The following NRXN1 variants were observed in gnomAD, a reference collection of about 807,000 sequenced individuals.
NRXN1 encodes neurexin-1.
In NRXN1, 39 loss-of-function variants were observed where a neutral mutation model predicts 150.9. The observed-to-expected ratio is 0.26, with a 90% confidence interval of 0.20 to 0.34. The LOEUF is 0.34. Among genes scored for constraint, NRXN1 ranks in the 10% least tolerant of loss-of-function variants. The pLI, the probability that NRXN1 is intolerant of heterozygous loss-of-function variation, is 1.00. For missense variants in NRXN1, 1,815 were observed against 1,949.9 expected, an observed-to-expected ratio of 0.93 and a Z score of 1.30; for synonymous variants, 924 against 757.0, an observed-to-expected ratio of 1.22 and a Z score of -3.62.
At chr2:50,538,704 C>CT in intron 9 of NRXN1, 68 bp from the exon 10 acceptor site, 10 of 1,285,222 alleles carry the variant, frequency 7.8e-6, no homozygotes, top group Non-Finnish European at 1.0e-5. Context: ...ATCTTTCTCT[C>CT]TTTCGTCTGC....
intron 6 of NRXN1, 117 bp from the exon 7 acceptor site, chr2:50,621,366 T>C: frequency 1.4e-6 from 1 of 720,530 alleles, no homozygotes; most frequent in Admixed American, 2.9e-5. Context: ...AGGTAACGGT[T>C]AGTAGAATGA....
intron 2 of NRXN1, among the ~76,000 whole-genome samples, chr2:50,951,942 A>AATATATATAT (rs1165247495): frequency 8.0e-5 from 9 of 112,802 alleles, no homozygotes; most frequent in Non-Finnish European, 1.3e-4. Flanking sequence ...TACATGAATA[A>AATATATATAT]ATATATATAT....
intron 21 of NRXN1, among the ~76,000 whole-genome samples, chr2:49,960,358 G>C (rs1000170233): frequency 6.6e-6 from 1 of 151,948 alleles, no homozygotes; most frequent in Non-Finnish European, 1.5e-5. Flanking sequence ...TAGAGATCTA[G>C]TCATTCATAT....
intron 18 of NRXN1, among the ~76,000 whole-genome samples, chr2:50,148,777 T>G (rs2058519086): frequency 6.6e-6 from 1 of 151,676 alleles, no homozygotes. Context: ...TCAATCGGGA[T>G]GATTAAATAC....
chr2:50,725,889 T>A (rs2105160336), intron 5 of NRXN1, among the ~76,000 whole-genome samples: 1 of 152,328 alleles, frequency 6.6e-6, no homozygotes, highest in South Asian at 2.1e-4. Context: ...TTTGAATTAA[T>A]CATGTTTGCA....
At chr2:50,920,378 A>C (rs1558422542) in intron 5 of NRXN1, among the ~76,000 whole-genome samples, 1 of 151,736 alleles carries the variant, frequency 6.6e-6, no homozygotes, top group Non-Finnish European at 1.5e-5. Context: ...ATAAACATGA[A>C]CTATTCCATA....
At chr2:50,341,391 A>G (rs1036791302) in intron 17 of NRXN1, among the ~76,000 whole-genome samples, 1 of 137,490 alleles carries the variant, frequency 7.3e-6, no homozygotes, top group Non-Finnish European at 1.5e-5. Context: ...TCTTTTAAGT[A>G]TTTCTTAAAA....
At chr2:50,589,904 G>A (rs1240388247) in intron 8 of NRXN1, among the ~76,000 whole-genome samples, 4 of 152,146 alleles carry the variant, frequency 2.6e-5, no homozygotes, top group South Asian at 4.1e-4. Context: ...TAGACTGTAA[G>A]CACCACATGA....
At chr2:50,079,533 T>A (rs1394203289) in intron 19 of NRXN1, among the ~76,000 whole-genome samples, 1 of 152,096 alleles carries the variant, frequency 6.6e-6, no homozygotes, top group Non-Finnish European at 1.5e-5. Context: ...GAACTTTGAA[T>A]AGTGCCCAAA....
intron 9 of NRXN1, among the ~76,000 whole-genome samples, chr2:50,551,074 A>AG (rs1667430102): frequency 1.3e-4 from 14 of 110,780 alleles, no homozygotes; most frequent in Non-Finnish European, 1.8e-4. Context: ...AAGAAGAAGA[A>AG]GAGGAGGAGG....
At chr2:50,649,119 T>G (rs2104541089) in intron 5 of NRXN1, among the ~76,000 whole-genome samples, 1 of 152,150 alleles carries the variant, frequency 6.6e-6, no homozygotes, top group East Asian at 1.9e-4. Context: ...TTTTACTTTA[T>G]GAACCCATAG....
chr2:50,241,504 A>G (rs368646926), intron 17 of NRXN1, among the ~76,000 whole-genome samples: 71 of 151,884 alleles, frequency 4.7e-4, no homozygotes, highest in Non-Finnish European at 9.1e-4. Context: ...CATCCATCAG[A>G]TCGCTGAATG....
chr2:50,952,908 G>T (rs1162465584), intron 2 of NRXN1, among the ~76,000 whole-genome samples: 2 of 152,306 alleles, frequency 1.3e-5, no homozygotes, highest in Admixed American at 1.3e-4. Context: ...AGCTCAAGCT[G>T]CTAGAAGAAG....
chr2:50,888,159 T>C (rs1384900176), intron 5 of NRXN1, among the ~76,000 whole-genome samples: 1 of 151,466 alleles, frequency 6.6e-6, no homozygotes, highest in African/African-American at 2.4e-5. Context: ...GAATGAAGTA[T>C]AGAGCTTCAA....
At chr2:50,564,146 C>A (rs920908650) in intron 8 of NRXN1, among the ~76,000 whole-genome samples, 2 of 152,162 alleles carry the variant, frequency 1.3e-5, no homozygotes, top group African/African-American at 4.8e-5. Context: ...ACTGCCTTGG[C>A]CAAGTTGCTT....
chr2:50,786,989 A>G (rs1459190219), intron 5 of NRXN1, among the ~76,000 whole-genome samples: 1 of 152,166 alleles, frequency 6.6e-6, no homozygotes. Flanking sequence ...TGCAATATGC[A>G]AAGATGAATG....
intron 5 of NRXN1, among the ~76,000 whole-genome samples, chr2:50,649,450 T>C (rs1685289662): frequency 6.6e-6 from 1 of 151,946 alleles, no homozygotes; most frequent in South Asian, 2.1e-4. Context: ...AAAACTTCAC[T>C]AGGGGAGGTG....
chr2:50,495,839 G>A, intron 15 of NRXN1, 66 bp downstream of exon 15: 2 of 1,416,984 alleles, frequency 1.4e-6, no homozygotes, highest in Non-Finnish European at 1.9e-6. Flanking sequence ...CCTAAGCAAA[G>A]GATTTTCCAT....
chr2:50,216,404 T>C (rs578136720), intron 18 of NRXN1, among the ~76,000 whole-genome samples: 2 of 152,188 alleles, frequency 1.3e-5, no homozygotes, highest in African/African-American at 2.4e-5. Flanking sequence ...ATATTTGATT[T>C]TGAAGTTGAA....
Sources: allele counts gnomAD v4.1 joint callset (sites outside exome capture counted in the v4.1 genomes callset), GRCh38; gene constraint gnomAD v4.1.1; transcripts MANE v1.5; gene names NCBI Gene and HGNC (gene_info 2026-07-23, HGNC 2026-07-21).